The following AFAP1L2 variants were observed in gnomAD, a reference collection of about 807,000 sequenced individuals.
AFAP1L2 encodes the protein actin filament-associated protein 1-like 2.
Under a neutral mutation model 99.3 loss-of-function variants are expected in AFAP1L2, and 46 were observed. The ratio of observed to expected loss-of-function variants is 0.46; its 90% CI spans 0.37 to 0.59. The LOEUF (loss-of-function observed/expected upper bound fraction) is 0.59. Ranked by LOEUF, AFAP1L2 falls within the 20% of genes least tolerant of loss-of-function variation. The pLI is 0.00. For synonymous variants in AFAP1L2, 397 were observed against 419.1 expected (o/e 0.95, Z 0.64); for missense variants, 959 against 1,034.9 (o/e 0.93, Z 1.01).
At chr10:114,349,796 C>T (rs1028665860) in intron 1 of AFAP1L2, among the ~76,000 whole-genome samples, 2 of 112,468 alleles carry the variant, frequency 1.8e-5, no homozygotes, top group Non-Finnish European at 3.4e-5. Context: ...TCTCCATCTC[C>T]AAGAAATGGC....
Position 114,295,460 on chromosome 10 carries a change from C to CTCAAAACTCATGTCATA in AFAP1L2, c.*565_*581dup. Reference sequence around the variant, plus strand: ...CCAAATATTTTCCCCATTATTGTTTCTCAAAACTCATGTCATAGATGGTTT... The same window carrying CTCAAAACTCATGTCATA: ...CCAAATATTTTCCCCATTATTGTTTCTCAAAACTCATGTCATATCAAAACTCATGTCATAGATGGTTT... On this transcript the variant is annotated 3_prime_UTR_variant, in exon 19 of 19. Coordinates refer to ENST00000304129, the MANE Select transcript of AFAP1L2 (RefSeq NM_001001936.3). The CTCAAAACTCATGTCATA allele has an allele frequency of 1.0e-6, 1 of 985,558 alleles. No individual in the cohort carries two copies. Among genetic ancestry groups the CTCAAAACTCATGTCATA allele is most frequent in the Non-Finnish European group, 1.2e-6 (1 of 829,934 alleles). 61.1% of individuals were successfully genotyped at this position (985,558 alleles called of 1,614,324 possible). A position where few individuals can be genotyped will look rare whatever the true frequency, so the allele number is the denominator to read the frequency against.
intron 2 of AFAP1L2, among the ~76,000 whole-genome samples, chr10:114,334,324 A>T (rs2047628035): frequency 1.3e-5 from 2 of 152,220 alleles, no homozygotes; most frequent in African/African-American, 4.8e-5. Context: ...AGCTCATTCT[A>T]GTGTTTCTCT....
In AFAP1L2 at chr10:114,297,110, T is replaced by C. The variant is rs1336025249; in HGVS notation, c.2308-10A>G. The C allele has an allele frequency of 5.6e-6, 9 of 1,614,022 alleles. No individual in the cohort carries two copies. Among genetic ancestry groups the C allele is most frequent in the Non-Finnish European group, 7.6e-6 (9 of 1,179,926 alleles). On this transcript the variant is annotated splice_polypyrimidine_tract_variant and intron_variant, in intron 17 of 18. Coordinates refer to ENST00000304129, the MANE Select transcript of AFAP1L2 (RefSeq NM_001001936.3). ...GTGTGACAGCTTTGGGCTGTGGTTA[T>C]AGGAGGAGAGCAAGGGCTGAGTCAA...
At chr10:114,383,147 G>A (rs1479750790) in intron 1 of AFAP1L2, among the ~76,000 whole-genome samples, 1 of 152,160 alleles carries the variant, frequency 6.6e-6, no homozygotes, top group Non-Finnish European at 1.5e-5. Context: ...ATACATGGCT[G>A]CTTATATGTG....
Position 114,305,309 on chromosome 10 carries a change from A to T in AFAP1L2, c.1073-379T>A, listed in dbSNP as rs371632358. On this transcript the variant is annotated intron_variant, in intron 10 of 18. Transcript: ENST00000304129. The stretch of plus-strand genomic sequence containing the variant: ...GGAGGGGATGCGGACGCAGGAGGGG[A>T]CGGAGCTGCAGGAGGGGTCGCGGAT... Among the ~76,000 whole-genome samples the T allele has an allele frequency of 2.7e-4, 35 of 131,036 alleles. No individual in the cohort carries two copies. In the East Asian group the frequency reaches 8.2e-3, roughly 31 times the overall value. 86.0% of individuals were successfully genotyped at this position (131,036 alleles called of 152,430 possible).
chr10:114,336,141 G>A (rs1223204517), intron 2 of AFAP1L2, among the ~76,000 whole-genome samples: 1 of 152,234 alleles, frequency 6.6e-6, no homozygotes, highest in Non-Finnish European at 1.5e-5. Flanking sequence ...CGGGTGGGCT[G>A]CAGGCTGAGG....
chr10:114,306,315 C>CCAGGAGGTGACGCGGGGG (rs2042385131), intron 10 of AFAP1L2, among the ~76,000 whole-genome samples: 2 of 8,364 alleles, frequency 2.4e-4, no homozygotes, highest in East Asian at 4.3e-3. Context: ...GGACGCAGAT[C>CCAGGAGGTGACGCGGGGG]CAGGAGGGGA....
chr10:114,381,368 AG>A (rs1244145577), intron 1 of AFAP1L2, among the ~76,000 whole-genome samples: 1 of 152,190 alleles, frequency 6.6e-6, no homozygotes, highest in Admixed American at 6.5e-5. Context: ...TAGTTGTTTT[AG>A]GGATGAGGAT....
intron 1 of AFAP1L2, among the ~76,000 whole-genome samples, chr10:114,371,056 C>A (rs1278034521): frequency 6.6e-6 from 1 of 152,190 alleles, no homozygotes; most frequent in Non-Finnish European, 1.5e-5. Context: ...ACTGTGAGTC[C>A]TCACTGTGAC....
Position 114,307,805 on chromosome 10 carries a change from T to C in AFAP1L2, c.1072A>G (p.Ser358Gly). ...TCCCGGAGGTAGCTACAATTCTTAC[T>C]GGATGTCTCGAGGGACCTCTCCACA... ...EPVERSLETS[S>G]YLNVLVNSQW... Residue 358 changes from serine to glycine, a missense_variant and splice_region_variant, in exon 10 of 19, where the codon AGT (serine) becomes GGT (glycine). Coordinates refer to ENST00000304129, the MANE Select transcript of AFAP1L2 (RefSeq NM_001001936.3). 2 of 1,613,358 alleles carry C rather than the reference T, an allele frequency of 1.2e-6. No individual in the cohort carries two copies. Among genetic ancestry groups the C allele is most frequent in the Non-Finnish European group, 1.7e-6 (2 of 1,179,360 alleles).
At position 114,330,377 on chromosome 10, in the gene AFAP1L2, A is replaced by G. The variant is rs941129858; in HGVS notation, c.315+1426T>C. On this transcript the variant is annotated intron_variant, in intron 4 of 18. Coordinates refer to ENST00000304129, the MANE Select transcript of AFAP1L2 (RefSeq NM_001001936.3). Reference sequence around the variant, plus strand: ...CCCACATAAACCCTCCTAAGCTGAGACCCCAGTCCTGCCCCAGGATCCCTC... The same window carrying G: ...CCCACATAAACCCTCCTAAGCTGAGGCCCCAGTCCTGCCCCAGGATCCCTC... Among the ~76,000 whole-genome samples the G allele has an allele frequency of 2.0e-5, 3 of 152,098 alleles. No homozygotes were observed. In the South Asian group the frequency reaches 6.2e-4, roughly 32 times the overall value.
At chr10:114,288,780 C>G in the AFAP1L2 span, among the ~76,000 whole-genome samples, 1 of 152,202 alleles carries the variant, frequency 6.6e-6, no homozygotes, top group Non-Finnish European at 1.5e-5. Flanking sequence ...TAGGAAAGTG[C>G]TGTTCTGTGG....
chr10:114,400,560 G>T (rs1023046060), intron 1 of AFAP1L2, among the ~76,000 whole-genome samples: 7 of 152,182 alleles, frequency 4.6e-5, no homozygotes, highest in African/African-American at 1.7e-4. Flanking sequence ...GTAGATTTCT[G>T]CAGGTATTAC....
chr10:114,314,092 C>G (rs751102998), intron 6 of AFAP1L2, 42 bp from the exon 7 acceptor site: 2 of 1,579,208 alleles, frequency 1.3e-6, no homozygotes, highest in Admixed American at 3.4e-5. Flanking sequence ...GCCAGGGGTG[C>G]CGGGCGGAGG....
At chr10:114,380,378 T>A (rs1197588682) in intron 1 of AFAP1L2, among the ~76,000 whole-genome samples, 1 of 152,222 alleles carries the variant, frequency 6.6e-6, no homozygotes. Context: ...GTATTTAAAC[T>A]AGGAATGAAA....
intron 1 of AFAP1L2, among the ~76,000 whole-genome samples, chr10:114,392,792 G>A (rs2057293800): frequency 6.6e-6 from 1 of 152,152 alleles, no homozygotes; most frequent in Non-Finnish European, 1.5e-5. Context: ...TGGCAGCCAA[G>A]CCTGAAAGCA....
intron 11 of AFAP1L2, among the ~76,000 whole-genome samples, chr10:114,303,026 AATC>A (rs1476441763): frequency 1.4e-4 from 21 of 152,232 alleles, no homozygotes; most frequent in African/African-American, 5.1e-4. Flanking sequence ...TCAGCTGCTA[AATC>A]ATCATCAAAA....
chr10:114,331,636 T>C (rs2047246797), intron 4 of AFAP1L2, among the ~76,000 whole-genome samples, 167 bp downstream of exon 4: 1 of 152,146 alleles, frequency 6.6e-6, no homozygotes, highest in East Asian at 1.9e-4. Context: ...AAATCACCTG[T>C]AGGCAGGTTT....
intron 7 of AFAP1L2, among the ~76,000 whole-genome samples, chr10:114,313,506 C>G (rs1173880571): frequency 6.6e-6 from 1 of 152,152 alleles, no homozygotes; most frequent in African/African-American, 2.4e-5. Flanking sequence ...TGAACATTCC[C>G]CAGCCATCCC....
Sources: gnomAD v4.1 joint callset for allele counts (sites outside exome capture counted in the v4.1 genomes callset) on GRCh38, gnomAD v4.1.1 for gene constraint, MANE v1.5 for transcripts, NCBI Gene and HGNC (gene_info 2026-07-23, HGNC 2026-07-21) for gene names.